Variants in CRACR2A observed in about 807,000 individuals in gnomAD.
CRACR2A encodes calcium release activated channel regulator 2A, also known as EF-hand calcium-binding domain-containing protein 4B.
Under a neutral mutation model 90.5 loss-of-function variants are expected in CRACR2A, and 79 were observed. The ratio of observed to expected loss-of-function variants is 0.87; its 90% CI spans 0.73 to 1.05. The LOEUF is 1.05. CRACR2A is among the 50% of genes least tolerant of loss of function. The pLI is 0.00. For missense variants in CRACR2A, 823 were observed against 897.2 expected, an observed-to-expected ratio of 0.92 and a Z score of 1.06; for synonymous variants, 338 against 356.7, an observed-to-expected ratio of 0.95 and a Z score of 0.59.
At chr12:3,721,643 C>G (rs1418276656) in intron 2 of CRACR2A, among the ~76,000 whole-genome samples, 1 of 149,098 alleles carries the variant, frequency 6.7e-6, no homozygotes, top group Non-Finnish European at 1.5e-5. Context: ...AGCTTATAGT[C>G]TAGTGGAGAT....
intron 4 of CRACR2A, among the ~76,000 whole-genome samples, chr12:3,682,011 T>A (rs17780624): frequency 6.6e-6 from 1 of 152,114 alleles, no homozygotes; most frequent in Non-Finnish European, 1.5e-5. Context: ...CTCTGACTTA[T>A]CAACAATCCA....
intron 3 of CRACR2A, among the ~76,000 whole-genome samples, chr12:3,712,356 G>A (rs1164235622): frequency 6.6e-6 from 1 of 152,226 alleles, no homozygotes; most frequent in African/African-American, 2.4e-5. Flanking sequence ...TTATGGTTCT[G>A]CAAGCTATGC....
rs1479043434 is a variant in CRACR2A, at chr12:3,696,823, A to C, written c.177T>G (p.Phe59Leu). 6.2e-7 allele frequency: 1 copy of C among 1,614,066 alleles called. No individual in the cohort carries two copies. Among genetic ancestry groups the C allele is most frequent in the African/African-American group, 1.3e-5 (1 of 74,922 alleles). The change falls in exon 4 of 20, where the codon TTT becomes TTG. Residue 59 changes from phenylalanine (F) to leucine (L), a missense_variant. Physicochemically the swap from Phe to Leu is conservative, Grantham distance 22 (BLOSUM62 0). Coordinates refer to ENST00000440314, the MANE Select transcript of CRACR2A (RefSeq NM_001144958.2). ...CCTTGCCTTCAGCATCACAGGTCTG[A>C]AAGAACTCCTGTGCCTTCCTCAGCA... is the stretch of plus-strand genomic sequence containing the variant. ...LVMLRKAQEF[F>L]QTCDAEGKGF...
chr12:3,643,147 A>G (rs897291365), intron 12 of CRACR2A, among the ~76,000 whole-genome samples: 2 of 149,840 alleles, frequency 1.3e-5, no homozygotes, highest in African/African-American at 2.4e-5. Context: ...TCATCATCAA[A>G]CAAACATGTG....
chr12:3,725,136 A>C (rs534434391), intron 2 of CRACR2A, among the ~76,000 whole-genome samples: 21 of 152,232 alleles, frequency 1.4e-4, no homozygotes, highest in Non-Finnish European at 2.4e-4. Context: ...CTTCCATATG[A>C]GAAAGGCTCT....
At chr12:3,743,408 T>C (rs1410310323) in intron 1 of CRACR2A, among the ~76,000 whole-genome samples, 30 of 152,228 alleles carry the variant, frequency 2.0e-4, no homozygotes, top group Admixed American at 2.0e-3. Flanking sequence ...GCTCACCTGA[T>C]ACGGCGTCGG....
At chr12:3,703,439 T>C (rs1945865681) in intron 3 of CRACR2A, among the ~76,000 whole-genome samples, 1 of 152,200 alleles carries the variant, frequency 6.6e-6, no homozygotes, top group Admixed American at 6.5e-5. Context: ...AACTACAATG[T>C]ATCATGGACC....
In CRACR2A at chr12:3,641,819, GC is replaced by G; in HGVS notation, c.1183del (p.Ala395GlnfsTer17). 1 of 1,550,970 alleles carries G rather than the reference GC, an allele frequency of 6.4e-7. No individual in the cohort carries two copies. Among genetic ancestry groups the G allele is most frequent in the Non-Finnish European group, 8.7e-7 (1 of 1,146,352 alleles). The part of the protein sequence containing the change: ...ICFQKNKAAK[A>X]NTAASRASWK... ...ACTTGCCCTGGAAGCAGCTGTGTTT[GC>G]CTTGGCTGCCTTATTTTTCTGTAGA... On this transcript the variant is annotated frameshift_variant, in exon 13 of 20. Transcript: ENST00000440314. LOFTEE classifies it high-confidence loss of function.
At chr12:3,638,949 T>C (rs1944510228) in intron 13 of CRACR2A, among the ~76,000 whole-genome samples, 1 of 152,222 alleles carries the variant, frequency 6.6e-6, no homozygotes, top group Non-Finnish European at 1.5e-5. Flanking sequence ...TCACTGTGTG[T>C]CCTTAGGTAG....
chr12:3,640,663 T>C, intron 13 of CRACR2A: 1 of 1,305,442 alleles, frequency 7.7e-7, no homozygotes, highest in Non-Finnish European at 1.0e-6. Flanking sequence ...TGAGCTGATT[T>C]ACATCTCCAG....
rs532182099 is a variant in CRACR2A at position 3,644,530 on chromosome 12, G to A, written c.1164+65C>T. 7.4e-6 allele frequency: 11 copies of A among 1,481,882 alleles called. No homozygotes were observed. The African/African-American group carries it at 1.3e-4, about 17-fold the overall frequency. The allele number at this position is 1,481,882 out of a possible 1,614,324, so 91.8% of individuals were successfully genotyped here. On this transcript the variant is annotated intron_variant, in intron 12 of 19. Coordinates refer to ENST00000440314, the MANE Select transcript of CRACR2A (RefSeq NM_001144958.2). ...ACATTGCTGGGCCAGTCTCGACATG[G>A]ATCTGGCTGTCCAGTGGACCACAGC... is the stretch of plus-strand genomic sequence containing the variant.
intron 3 of CRACR2A, among the ~76,000 whole-genome samples, chr12:3,706,758 G>A (rs1945929556): frequency 6.6e-6 from 1 of 152,022 alleles, no homozygotes; most frequent in Non-Finnish European, 1.5e-5. Flanking sequence ...GTGCCACCAC[G>A]CCCAGCTAAT....
Position 3,627,893 on chromosome 12 carries a change from C to T in CRACR2A, c.1736-187G>A, listed in dbSNP as rs113350162. ...TGGATGGGGAGGCATGGGACCTCAG[C>T]TCTGGTCCTGTCTCTGCCACTTATT... On this transcript the variant is annotated intron_variant, in intron 15 of 19. Coordinates refer to ENST00000440314, the MANE Select transcript of CRACR2A (RefSeq NM_001144958.2). Among the ~76,000 whole-genome samples the T allele has an allele frequency of 9.3e-3, 1,415 of 152,298 alleles. 21 individuals carry two copies. The highest frequency in any genetic ancestry group is 0.032 in the African/African-American group (1,345 of 41,550).
chr12:3,659,720 C>T, intron 7 of CRACR2A, 66 bp from the exon 8 acceptor site: 1 of 1,297,822 alleles, frequency 7.7e-7, no homozygotes, highest in South Asian at 1.2e-5. Context: ...GCTCCTGGAG[C>T]TCAGACACCA....
At chr12:3,668,873 T>C (rs1945193186) in intron 7 of CRACR2A, among the ~76,000 whole-genome samples, 1 of 152,198 alleles carries the variant, frequency 6.6e-6, no homozygotes, top group Admixed American at 6.5e-5. Flanking sequence ...TGAGGTCTGA[T>C]TCAGATGGAC....
chr12:3,730,570 AG>A (rs2137852870), intron 2 of CRACR2A: 1 of 152,372 alleles, frequency 6.6e-6, no homozygotes, highest in East Asian at 1.9e-4. Context: ...GTTCATCAGT[AG>A]GGGATTGCTA....
intron 14 of CRACR2A, among the ~76,000 whole-genome samples, chr12:3,635,109 C>T (rs1944434358): frequency 6.6e-6 from 1 of 152,182 alleles, no homozygotes; most frequent in African/African-American, 2.4e-5. Context: ...GCCCTGTGAC[C>T]ACTGCCCCTC....
intron 4 of CRACR2A, among the ~76,000 whole-genome samples, chr12:3,684,750 T>G (rs1050831991): frequency 1.3e-5 from 2 of 152,222 alleles, no homozygotes; most frequent in Non-Finnish European, 2.9e-5. Context: ...CTGTAAAAGA[T>G]ATAATTGTCC....
At chr12:3,729,695 T>C (rs974812149) in intron 2 of CRACR2A, 8 of 152,166 alleles carry the variant, frequency 5.3e-5, no homozygotes, top group Non-Finnish European at 1.2e-4. Flanking sequence ...AGAGCGAGAC[T>C]CTGTCTCAAG....
Sources: gnomAD v4.1 joint callset for allele counts (sites outside exome capture counted in the v4.1 genomes callset) on GRCh38, gnomAD v4.1.1 for gene constraint, MANE v1.5 for transcripts, NCBI Gene and HGNC (gene_info 2026-07-23, HGNC 2026-07-21) for gene names.